The following MDGA2 variants were observed in gnomAD, a reference collection of about 807,000 sequenced individuals.
MDGA2 encodes MAM domain-containing glycosylphosphatidylinositol anchor protein 2.
Under a neutral mutation model 117.8 loss-of-function variants are expected in MDGA2, and 40 were observed. That is an observed-to-expected ratio of 0.34 (90% CI 0.26 to 0.44). The LOEUF is 0.44. Ranked by LOEUF, MDGA2 falls within the 20% of genes least tolerant of loss-of-function variation. The pLI is 1.00. For missense variants in MDGA2, 1,123 were observed against 1,250.6 expected, an observed-to-expected ratio of 0.90 and a Z score of 1.54; for synonymous variants, 452 against 439.0, an observed-to-expected ratio of 1.03 and a Z score of -0.37.
intron 4 of MDGA2, among the ~76,000 whole-genome samples, chr14:47,143,656 A>G (rs1882817094): frequency 6.6e-6 from 1 of 152,218 alleles, no homozygotes; most frequent in African/African-American, 2.4e-5. Flanking sequence ...CTTTCCTAAA[A>G]CTAAAGCCAA....
intron 1 of MDGA2, among the ~76,000 whole-genome samples, chr14:47,652,687 T>C (rs12147362): frequency 0.093 from 14,188 of 152,196 alleles, 674 homozygotes; most frequent in Non-Finnish European, 0.11. Context: ...CAAGTGGATA[T>C]TGCATAAAAA....
At chr14:47,060,656 G>A (rs547981773) in intron 7 of MDGA2, among the ~76,000 whole-genome samples, 6 of 151,928 alleles carry the variant, frequency 3.9e-5, no homozygotes, top group East Asian at 3.9e-4. Context: ...ACATGTTTTC[G>A]TTTTTAACTT....
chr14:47,164,699 C>T (rs996362478), intron 3 of MDGA2, among the ~76,000 whole-genome samples: 2 of 152,294 alleles, frequency 1.3e-5, no homozygotes, highest in South Asian at 2.1e-4. Context: ...GTGGCGATTC[C>T]TCAGGGATCT....
chr14:47,478,958 C>A (rs1320769970), intron 1 of MDGA2, among the ~76,000 whole-genome samples: 1 of 152,028 alleles, frequency 6.6e-6, no homozygotes, highest in East Asian at 1.9e-4. Context: ...TGCAATAGTT[C>A]CATCAAAAGA....
intron 1 of MDGA2, among the ~76,000 whole-genome samples, chr14:47,381,444 T>C (rs1201679962): frequency 6.6e-6 from 1 of 152,184 alleles, no homozygotes; most frequent in Non-Finnish European, 1.5e-5. Flanking sequence ...GATGACATGA[T>C]TGTATATTTA....
intron 1 of MDGA2, among the ~76,000 whole-genome samples, chr14:47,402,409 T>C (rs1892173379): frequency 7.6e-6 from 1 of 131,200 alleles, no homozygotes; most frequent in South Asian, 2.4e-4. Flanking sequence ...CATGATTCTC[T>C]AACAGAGTCT....
At chr14:47,638,188 G>A (rs1897358157) in intron 1 of MDGA2, among the ~76,000 whole-genome samples, 1 of 152,178 alleles carries the variant, frequency 6.6e-6, no homozygotes, top group Non-Finnish European at 1.5e-5. Context: ...GGGTGTGTGT[G>A]CAGATATACG....
At chr14:47,516,136 G>A (rs748157364) in intron 1 of MDGA2, among the ~76,000 whole-genome samples, 7 of 152,136 alleles carry the variant, frequency 4.6e-5, no homozygotes, top group African/African-American at 7.2e-5. Flanking sequence ...TGACTTGCAG[G>A]TGATGCTTAT....
intron 1 of MDGA2, among the ~76,000 whole-genome samples, chr14:47,384,227 G>A (rs1001245734): frequency 1.1e-4 from 17 of 150,846 alleles, no homozygotes; most frequent in Admixed American, 8.0e-4. Flanking sequence ...GTCAATACTT[G>A]GCAGCATTGA....
chr14:47,330,081 G>T (rs571699210), intron 1 of MDGA2, among the ~76,000 whole-genome samples: 2 of 151,506 alleles, frequency 1.3e-5, no homozygotes, highest in South Asian at 4.2e-4. Flanking sequence ...AATTTAAAAG[G>T]AAGAACTGCA....
At chr14:47,634,908 T>G (rs1897298779) in intron 1 of MDGA2, among the ~76,000 whole-genome samples, 1 of 152,092 alleles carries the variant, frequency 6.6e-6, no homozygotes, top group Admixed American at 6.5e-5. Flanking sequence ...ATAAAACTAT[T>G]TCAATGGCAG....
intron 10 of MDGA2, among the ~76,000 whole-genome samples, chr14:46,885,493 G>T (rs2933222): frequency 6.6e-5 from 10 of 151,872 alleles, no homozygotes; most frequent in African/African-American, 1.9e-4. Flanking sequence ...AATGAATCAA[G>T]GAAATGGAAA....
intron 1 of MDGA2, among the ~76,000 whole-genome samples, chr14:47,629,425 T>C (rs897783775): frequency 1.3e-5 from 2 of 152,214 alleles, no homozygotes; most frequent in African/African-American, 4.8e-5. Context: ...TTGAAAACAG[T>C]TGTATGCCAA....
At chr14:46,854,907 T>C in intron 15 of MDGA2, 117 bp downstream of exon 15, 1 of 876,006 alleles carries the variant, frequency 1.1e-6, no homozygotes, top group Non-Finnish European at 1.6e-6. Flanking sequence ...TCATATAATT[T>C]TTGTGATGCT....
chr14:46,850,527 T>C (rs984660754), intron 15 of MDGA2, among the ~76,000 whole-genome samples: 1 of 151,864 alleles, frequency 6.6e-6, no homozygotes. Context: ...AGTTTGAAAA[T>C]TGACAGTATA....
chr14:46,890,946 C>T (rs1028929647), intron 10 of MDGA2, among the ~76,000 whole-genome samples: 2 of 151,920 alleles, frequency 1.3e-5, no homozygotes, highest in Non-Finnish European at 2.9e-5. Context: ...ACAACTATGA[C>T]ACATACAATA....
At chr14:46,929,952 G>A (rs930645152) in intron 9 of MDGA2, among the ~76,000 whole-genome samples, 4 of 151,336 alleles carry the variant, frequency 2.6e-5, no homozygotes, top group African/African-American at 9.7e-5. Flanking sequence ...TATATAATTT[G>A]AGAGGGTGAC....
chr14:47,131,485 C>T (rs918159130), intron 5 of MDGA2, among the ~76,000 whole-genome samples: 3 of 151,728 alleles, frequency 2.0e-5, no homozygotes, highest in African/African-American at 7.3e-5. Flanking sequence ...CTTTAAAGAG[C>T]TATAATTTTG....
At chr14:47,141,767 G>A (rs1882728917) in intron 4 of MDGA2, among the ~76,000 whole-genome samples, 1 of 152,126 alleles carries the variant, frequency 6.6e-6, no homozygotes, top group Non-Finnish European at 1.5e-5. Flanking sequence ...TAGGTGCAAA[G>A]TTACACTTTG....
Sources: allele counts gnomAD v4.1 joint callset (sites outside exome capture counted in the v4.1 genomes callset), GRCh38; gene constraint gnomAD v4.1.1; transcripts MANE v1.5; gene names NCBI Gene and HGNC (gene_info 2026-07-23, HGNC 2026-07-21).